The following ZNF709 variants were observed in gnomAD, a reference collection of about 807,000 sequenced individuals.
The protein encoded by ZNF709 is zinc finger protein 709.
Under a neutral mutation model 10.6 loss-of-function variants are expected in ZNF709, and 15 were observed. The observed-to-expected ratio is 1.41, with a 90% CI of 0.95 to 2.18. The LOEUF (loss-of-function observed/expected upper bound fraction) is 2.18. Among genes scored for constraint, ZNF709 ranks in the 30% most tolerant of loss-of-function variants. The pLI, the probability that ZNF709 is intolerant of heterozygous loss-of-function variation, is 0.00. For missense variants in ZNF709, 589 were observed against 774.0 expected (o/e 0.76, Z 2.84); for synonymous variants, 194 against 238.8 (o/e 0.81, Z 1.73).
chr19:12,483,104 T>G (rs1298093505), intron 1 of ZNF709, among the ~76,000 whole-genome samples: 1 of 152,054 alleles, frequency 6.6e-6, no homozygotes, highest in Non-Finnish European at 1.5e-5. Context: ...AAACAAAAAT[T>G]TTTAATAAAT....
At position 12,464,510 on chromosome 19, in the gene ZNF709, G is replaced by A. The variant is rs769009430; in HGVS notation, c.1412C>T (p.Thr471Ile). The change falls in exon 4 of 4, where the codon ACT (threonine) becomes ATT (isoleucine). Residue 471 changes from threonine (T) to isoleucine (I), a missense_variant. Physicochemically the swap from Thr to Ile is moderately conservative, Grantham distance 89. This residue lies in a region of ZNF709 where 171 missense variants were observed against 277.7 expected (regional missense o/e 0.62). Coordinates refer to ENST00000397732, the MANE Select transcript of ZNF709 (RefSeq NM_152601.4). ...TTTACATTCATAGGGTTTCTCTCCA[G>A]TGTGAATTCTTTCATGCATTCGAAA... Reference protein sequence around the residue: ...SSFRMHERIHTGEKPYECKQC... With the variant: ...SSFRMHERIHIGEKPYECKQC... 1 of 1,613,162 alleles carries A rather than the reference G, an allele frequency of 6.2e-7. No individual in the cohort carries two copies. Among genetic ancestry groups the A allele is most frequent in the East Asian group, 2.2e-5 (1 of 44,880 alleles).
chr19:12,480,140 G>A (rs1170566828), intron 1 of ZNF709, among the ~76,000 whole-genome samples: 1 of 151,858 alleles, frequency 6.6e-6, no homozygotes, highest in East Asian at 1.9e-4. Context: ...GGACAACAGA[G>A]CGAGACCCTG....
At chr19:12,483,319 T>TC (rs1970746278) in intron 1 of ZNF709, among the ~76,000 whole-genome samples, 1 of 117,480 alleles carries the variant, frequency 8.5e-6, no homozygotes, top group Non-Finnish European at 2.0e-5. Context: ...TTTTTTTTTT[T>TC]TTTTTTTTTT....
At chr19:12,480,167 C>A (rs181250929) in intron 1 of ZNF709, among the ~76,000 whole-genome samples, 2,481 of 150,632 alleles carry the variant, frequency 0.016, 66 homozygotes, top group African/African-American at 0.055. Context: ...AAAAAAAAAA[C>A]AAACAAAAAC....
Position 12,464,817 on chromosome 19 carries a change from A to G in ZNF709, c.1105T>C (p.Cys369Arg). The change falls in exon 4 of 4, where the codon TGT becomes CGT. Residue 369 changes from cysteine (C) to arginine (R), a missense_variant. This residue lies in a region of ZNF709 where 418 missense variants were observed against 496.3 expected (regional missense o/e 0.84). Coordinates refer to ENST00000397732, the MANE Select transcript of ZNF709 (RefSeq NM_152601.4). The stretch of plus-strand genomic sequence containing the variant: ...CTAGGACAATCAAAGGCTTTCCCAC[A>G]TTCCTTGCATTTATAAGGTCCATTT... The part of the protein sequence containing the change: ...TGNGPYKCKE[C>R]GKAFDCPSSF... The G allele has an allele frequency of 6.2e-7, 1 of 1,613,366 alleles. No homozygotes were observed. Among genetic ancestry groups the G allele is most frequent in the Non-Finnish European group, 8.5e-7 (1 of 1,179,684 alleles).
rs1599637760 is a variant in ZNF709 at position 12,484,777 on chromosome 19, G to A, written c.-120C>T. The A allele has an allele frequency of 3.7e-6, 5 of 1,335,900 alleles. No individual in the cohort carries two copies. Among genetic ancestry groups the A allele is most frequent in the South Asian group, 2.6e-5 (2 of 76,894 alleles). 82.8% of individuals were successfully genotyped at this position (1,335,900 alleles called of 1,614,324 possible). On this transcript the variant is annotated 5_prime_UTR_variant, in exon 1 of 4. Coordinates refer to ENST00000397732, the MANE Select transcript of ZNF709 (RefSeq NM_152601.4). ...CCTTCTGGGGTGAGGAGACCCCAGA[G>A]CGGAGCGCAGCGGCTGGTAGCCACG... is the stretch of plus-strand genomic sequence containing the variant.
intron 1 of ZNF709, among the ~76,000 whole-genome samples, chr19:12,467,573 A>C (rs1279084706): frequency 2.0e-5 from 3 of 152,066 alleles, no homozygotes; most frequent in Non-Finnish European, 4.4e-5. Flanking sequence ...CCCGTCTGGG[A>C]AGTGAGGAGC....
chr19:12,480,891 C>T (rs936077066), intron 1 of ZNF709, among the ~76,000 whole-genome samples: 2 of 151,912 alleles, frequency 1.3e-5, no homozygotes, highest in Non-Finnish European at 2.9e-5. Flanking sequence ...GGGATCCTCC[C>T]ATCTCAGCCT....
At chr19:12,471,342 C>T (rs1310707424) in intron 1 of ZNF709, among the ~76,000 whole-genome samples, 2 of 152,108 alleles carry the variant, frequency 1.3e-5, no homozygotes, top group Non-Finnish European at 2.9e-5. Context: ...AGAACAAACT[C>T]AGTGTCAACA....
chr19:12,464,750 G>A lies in ZNF709; in HGVS notation c.1172C>T (p.Pro391Leu). ...TTTACCACACTGTTTACATTCATAG[G>A]GTTTCTCTCCAGTGTGAGTTCGTTC... is the stretch of plus-strand genomic sequence containing the variant. ...IHERTHTGEK[P>L]YECKQCGKAF... Residue 391 changes from proline (P) to leucine (L), a missense_variant, in exon 4 of 4, where the codon CCC becomes CTC. This residue lies in a region of ZNF709 where 418 missense variants were observed against 496.3 expected (regional missense o/e 0.84). Transcript: ENST00000397732. The A allele has an allele frequency of 1.2e-6, 2 of 1,613,570 alleles. No homozygotes were observed. Among genetic ancestry groups the A allele is most frequent in the Non-Finnish European group, 1.7e-6 (2 of 1,179,732 alleles).
rs1433064552 is a variant in ZNF709, at chr19:12,462,655, G to T, written c.*1341C>A. On this transcript the variant is annotated 3_prime_UTR_variant, in exon 4 of 4. Coordinates refer to ENST00000397732, the MANE Select transcript of ZNF709 (RefSeq NM_152601.4). ...GTCTTCCTCTAAAAAAGCCTCTTTT[G>T]GTCAGAAAGATGAAATACATATAAT... 1 of 151,920 alleles carries T rather than the reference G, an allele frequency of 6.6e-6. No homozygotes were observed. The highest frequency in any genetic ancestry group is 2.4e-5 in the African/African-American group (1 of 41,366). The allele number at this position is 151,920 out of a possible 1,614,324, so 9.4% of individuals were successfully genotyped here.
chr19:12,484,567 G>A (rs1970762307), intron 1 of ZNF709, 88 bp downstream of exon 1: 1 of 1,519,928 alleles, frequency 6.6e-7, no homozygotes, highest in Non-Finnish European at 8.9e-7. Context: ...ACAACGGCGG[G>A]GAGGCCTGGG....
chr19:12,465,413 C>T lies in ZNF709; in HGVS notation c.509G>A (p.Cys170Tyr). The T allele has an allele frequency of 6.2e-7, 1 of 1,613,728 alleles. No homozygotes were observed. Among genetic ancestry groups the T allele is most frequent in the East Asian group, 2.2e-5 (1 of 44,876 alleles). Residue 170 changes from cysteine (C) to tyrosine (Y), a missense_variant, in exon 4 of 4, where the codon TGT becomes TAT. Cys to Tyr is a radical substitution (Grantham distance 194). Around this residue, in one of 2 missense-constraint regions of ZNF709, gnomAD observed 418 missense variants for 496.3 expected, o/e 0.84. Coordinates refer to ENST00000397732, the MANE Select transcript of ZNF709 (RefSeq NM_152601.4). ...RTHTGEKPYK[C>Y]KQCGKAFSWP... ...ACTGAAAGCCTTACCACACTGTTTACATTTATAGGGTTTCTCTCCAGTGTG... is the reference window on the plus strand; with the variant it reads ...ACTGAAAGCCTTACCACACTGTTTATATTTATAGGGTTTCTCTCCAGTGTG...
Position 12,463,499 on chromosome 19 carries a change from G to A in ZNF709, c.*497C>T, listed in dbSNP as rs942829914. 6.6e-6 allele frequency: 1 copy of A among 152,306 alleles called. No homozygotes were observed. The allele number at this position is 152,306 out of a possible 1,614,324, so 9.4% of individuals were successfully genotyped here. A position where few individuals can be genotyped will look rare whatever the true frequency, so the allele number is the denominator to read the frequency against. On this transcript the variant is annotated 3_prime_UTR_variant, in exon 4 of 4. Coordinates refer to ENST00000397732, the MANE Select transcript of ZNF709 (RefSeq NM_152601.4). ...CTTAAAAGGTCATATGACCATTGAAGGTTTTCCCACACTGCCTACATTCGC... is the reference window on the plus strand; with the variant it reads ...CTTAAAAGGTCATATGACCATTGAAAGTTTTCCCACACTGCCTACATTCGC...
At chr19:12,471,269 A>G (rs1198422804) in intron 1 of ZNF709, among the ~76,000 whole-genome samples, 1 of 152,200 alleles carries the variant, frequency 6.6e-6, no homozygotes, top group Non-Finnish European at 1.5e-5. Context: ...TCCTAATTTT[A>G]AAAATGTTAT....
rs1289442929 is a variant in ZNF709 at position 12,466,815 on chromosome 19, G to C, written c.39C>G (p.Phe13Leu). 6.2e-7 allele frequency: 1 copy of C among 1,614,000 alleles called. No individual in the cohort carries two copies. The highest frequency in any genetic ancestry group is 1.1e-5 in the South Asian group (1 of 91,082). ...CCAGCAAAGCCCACTCCTCCTGGGTGAAGTTCACAGCCACATCCTCAAAGA... is the reference window on the plus strand; with the variant it reads ...CCAGCAAAGCCCACTCCTCCTGGGTCAAGTTCACAGCCACATCCTCAAAGA... ...SVVFEDVAVN[F>L]TQEEWALLGP... The change falls in exon 2 of 4, where the codon TTC (phenylalanine) becomes TTG (leucine). Residue 13 changes from phenylalanine (F) to leucine (L), a missense_variant. By Grantham distance (22) the Phe-to-Leu change is conservative. Coordinates refer to ENST00000397732, the MANE Select transcript of ZNF709 (RefSeq NM_152601.4).
At chr19:12,481,947 A>G (rs1367018641) in intron 1 of ZNF709, among the ~76,000 whole-genome samples, 1 of 150,648 alleles carries the variant, frequency 6.6e-6, no homozygotes, top group Admixed American at 6.6e-5. Flanking sequence ...AGGGGAAAGA[A>G]AGAAAGGAGG....
chr19:12,464,805 A>G lies in ZNF709; in HGVS notation c.1117T>C (p.Phe373Leu). 1 of 1,613,424 alleles carries G rather than the reference A, an allele frequency of 6.2e-7. No individual in the cohort carries two copies. Among genetic ancestry groups the G allele is most frequent in the Middle Eastern group, 1.7e-4 (1 of 6,054 alleles). ...PYKCKECGKA[F>L]DCPSSFQIHE... ...ATTTGAAAAGAACTAGGACAATCAA[A>G]GGCTTTCCCACATTCCTTGCATTTA... The change falls in exon 4 of 4, where the codon TTT becomes CTT. Residue 373 changes from phenylalanine (F) to leucine (L), a missense_variant. Around this residue, in one of 2 missense-constraint regions of ZNF709, gnomAD observed 418 missense variants for 496.3 expected, o/e 0.84. Transcript: ENST00000397732.
At chr19:12,481,933 A>G (rs1032238934) in intron 1 of ZNF709, among the ~76,000 whole-genome samples, 1 of 150,682 alleles carries the variant, frequency 6.6e-6, no homozygotes, top group African/African-American at 2.4e-5. Flanking sequence ...AAGGGAAGGA[A>G]GGAAGGGGAA....
Sources: allele counts gnomAD v4.1 joint callset (sites outside exome capture counted in the v4.1 genomes callset), GRCh38; gene constraint gnomAD v4.1.1; regional missense constraint gnomAD v4.1.1; transcripts MANE v1.5; gene names NCBI Gene and HGNC (gene_info 2026-07-23, HGNC 2026-07-21).